ZBTB38: variants seen among roughly 807,000 people sequenced by gnomAD.
ZBTB38 encodes zinc finger and BTB domain-containing protein 38.
A neutral mutation model predicts 76.8 loss-of-function variants in ZBTB38; 20 were observed. The ratio of observed to expected loss-of-function variants is 0.26; its 90% CI spans 0.18 to 0.38. The LOEUF is 0.38. ZBTB38 is among the 10% of genes least tolerant of loss of function. The pLI is 1.00. For missense variants in ZBTB38, 1,082 were observed against 1,482.3 expected, an observed-to-expected ratio of 0.73 and a Z score of 4.43; for synonymous variants, 504 against 544.2, an observed-to-expected ratio of 0.93 and a Z score of 1.03.
Position 141,446,048 on chromosome 3 carries a change from A to G in ZBTB38, c.*72A>G, listed in dbSNP as rs1187225057. 3 of 1,352,288 alleles carry G rather than the reference A, an allele frequency of 2.2e-6. No individual in the cohort carries two copies. Among genetic ancestry groups the G allele is most frequent in the African/African-American group, 1.5e-5 (1 of 68,768 alleles). The allele number at this position is 1,352,288 out of a possible 1,614,324, so 83.8% of individuals were successfully genotyped here. ...TTAGTTATGATTTAAGTTTAGTTTC[A>G]TTTTGTCCATGTGACAGTCATGAAG... On this transcript the variant is annotated 3_prime_UTR_variant, in exon 6 of 6. Coordinates refer to ENST00000321464, the MANE Select transcript of ZBTB38 (RefSeq NM_001376113.1).
Position 141,442,310 on chromosome 3 carries a change from C to A in ZBTB38, c.1-79C>A. The A allele has an allele frequency of 9.1e-7, 1 of 1,099,796 alleles. No individual in the cohort carries two copies. The highest frequency in any genetic ancestry group is 1.3e-6 in the Non-Finnish European group (1 of 759,908). The allele number at this position is 1,099,796 out of a possible 1,614,324, so 68.1% of individuals were successfully genotyped here. A position where few individuals can be genotyped will look rare whatever the true frequency, so the allele number is the denominator to read the frequency against. ...AGTTTCATACAAAAGAACAGTTTTT[C>A]ACAGAAGTGGAAAATAGTCTAGAGA... On this transcript the variant is annotated intron_variant, in intron 5 of 5. Transcript: ENST00000321464. This position sits in a 1 kb window ranked among gnomAD's most constrained non-coding sequence, Gnocchi z 6.4.
chr3:141,448,030 T>C lies in ZBTB38; in HGVS notation c.*2054T>C, dbSNP rs2151031956. The C allele has an allele frequency of 6.5e-6, 1 of 152,796 alleles. No homozygotes were observed. Among genetic ancestry groups the C allele is most frequent in the South Asian group, 2.1e-4 (1 of 4,826 alleles). 9.5% of individuals were successfully genotyped at this position (152,796 alleles called of 1,614,324 possible). ...CACAAAGGGCTTACGAAAATCATTT[T>C]TGAATTGATAATTAGAATATTGAAT... On this transcript the variant is annotated 3_prime_UTR_variant, in exon 6 of 6. Coordinates refer to ENST00000321464, the MANE Select transcript of ZBTB38 (RefSeq NM_001376113.1).
At chr3:141,437,281 C>T (rs546158377) in intron 5 of ZBTB38, among the ~76,000 whole-genome samples, 3 of 152,292 alleles carry the variant, frequency 2.0e-5, no homozygotes, top group Admixed American at 6.5e-5. Flanking sequence ...CCCTTTTCTC[C>T]TCTTGTCCAT....
rs573532434 is a variant in ZBTB38 at position 141,413,863 on chromosome 3, G to A, written c.-1+9832G>A. ...TGCCACTCTGTCTCTGAAGATTTACGTAGAGAAATTTTCCCCATAGGAATG... is the reference window on the plus strand; with the variant it reads ...TGCCACTCTGTCTCTGAAGATTTACATAGAGAAATTTTCCCCATAGGAATG... On this transcript the variant is annotated intron_variant, in intron 5 of 5. Coordinates refer to ENST00000321464, the MANE Select transcript of ZBTB38 (RefSeq NM_001376113.1). The surrounding 1 kb of genome is among the most constrained non-coding windows in gnomAD (Gnocchi z 4.1). Among the ~76,000 whole-genome samples the A allele has an allele frequency of 2.0e-5, 3 of 152,314 alleles. No individual in the cohort carries two copies. Among genetic ancestry groups the A allele is most frequent in the East Asian group, 1.9e-4 (1 of 5,192 alleles).
At chr3:141,347,791 C>T (rs1468203841) in intron 1 of ZBTB38, among the ~76,000 whole-genome samples, 1 of 152,196 alleles carries the variant, frequency 6.6e-6, no homozygotes, top group Non-Finnish European at 1.5e-5. Context: ...GACCCTAGTC[C>T]CTGGACATTG....
intron 5 of ZBTB38, among the ~76,000 whole-genome samples, chr3:141,406,787 G>T (rs1158952192): frequency 2.0e-5 from 3 of 152,184 alleles, no homozygotes; most frequent in Admixed American, 2.0e-4. Flanking sequence ...GCCAGCGGAA[G>T]GGGGTTCCTA....
chr3:141,442,095 C>T lies in ZBTB38; in HGVS notation c.1-294C>T, dbSNP rs1477178693. 4.0e-5 allele frequency among the ~76,000 whole-genome samples: 6 copies of T among 151,230 alleles called. No homozygotes were observed. The highest frequency in any genetic ancestry group is 2.6e-4 in the Admixed American group (4 of 15,186). On this transcript the variant is annotated intron_variant, in intron 5 of 5. Coordinates refer to ENST00000321464, the MANE Select transcript of ZBTB38 (RefSeq NM_001376113.1). The surrounding 1 kb of genome is among the most constrained non-coding windows in gnomAD (Gnocchi z 6.4). ...TTCAGAAAAAAAAAAAAAACCTCCT[C>T]CCCTCCCAAATTTGGACATGTATAT... is the stretch of plus-strand genomic sequence containing the variant.
chr3:141,377,392 C>T (rs983044025), intron 2 of ZBTB38, among the ~76,000 whole-genome samples: 1 of 152,178 alleles, frequency 6.6e-6, no homozygotes, highest in Non-Finnish European at 1.5e-5. Context: ...TTGACTGTGG[C>T]CCATCAAAAG....
At chr3:141,431,323 CAAAA>C (rs71976494) in intron 5 of ZBTB38, among the ~76,000 whole-genome samples, 2 of 101,408 alleles carry the variant, frequency 2.0e-5, no homozygotes, top group African/African-American at 9.7e-5. Context: ...GACTTCGTCT[CAAAA>C]AAAAAAAAAA....
chr3:141,434,264 G>A, intron 5 of ZBTB38: 1 of 925,090 alleles, frequency 1.1e-6, no homozygotes, highest in Non-Finnish European at 1.3e-6. Context: ...CTAGGGACTG[G>A]GAGAGAAGGA....
intron 1 of ZBTB38, among the ~76,000 whole-genome samples, chr3:141,360,239 T>C (rs1943780181): frequency 6.6e-6 from 1 of 152,142 alleles, no homozygotes; most frequent in Non-Finnish European, 1.5e-5. Context: ...CCATCTTAGC[T>C]CTGGGACCCC....
intron 4 of ZBTB38, among the ~76,000 whole-genome samples, chr3:141,399,579 G>A (rs1951234325): frequency 6.6e-6 from 1 of 152,034 alleles, no homozygotes; most frequent in Admixed American, 6.6e-5. Flanking sequence ...TATAGAATTT[G>A]GTGAGAACCC....
Position 141,431,341 on chromosome 3 carries a change from A to AAAAAAAAAATATATATATAT in ZBTB38, c.1-11047_1-11046insAAAAAAAATATATATATATA. Among the ~76,000 whole-genome samples the AAAAAAAAAATATATATATAT allele has an allele frequency of 5.4e-3, 557 of 102,778 alleles. 3 individuals carry two copies. Among genetic ancestry groups the AAAAAAAAAATATATATATAT allele is most frequent in the Non-Finnish European group, 6.9e-3 (400 of 57,812 alleles). The allele number at this position is 102,778 out of a possible 152,430, so 67.4% of individuals were successfully genotyped here. A position where few individuals can be genotyped will look rare whatever the true frequency, so the allele number is the denominator to read the frequency against. On this transcript the variant is annotated intron_variant, in intron 5 of 5. Transcript: ENST00000321464. ...TTCGTCTCAAAAAAAAAAAAAAAAAAATATATATATATATTTGGGGGGGAC... is the reference window on the plus strand; with the variant it reads ...TTCGTCTCAAAAAAAAAAAAAAAAAAAAAAAAAAATATATATATATATATATATATATATTTGGGGGGGAC...
At chr3:141,351,390 G>A (rs575331612) in intron 1 of ZBTB38, among the ~76,000 whole-genome samples, 197 of 152,156 alleles carry the variant, frequency 1.3e-3, no homozygotes, top group South Asian at 4.1e-4. Context: ...AAATTGTCTT[G>A]CAAAGATAAA....
Position 141,447,385 on chromosome 3 carries a change from A to G in ZBTB38, c.*1409A>G, listed in dbSNP as rs2081177743. 1 of 152,562 alleles carries G rather than the reference A, an allele frequency of 6.6e-6. No homozygotes were observed. Among genetic ancestry groups the G allele is most frequent in the South Asian group, 2.1e-4 (1 of 4,820 alleles). The allele number at this position is 152,562 out of a possible 1,614,324, so 9.5% of individuals were successfully genotyped here. Reference sequence around the variant, plus strand: ...GCAGACATCTAGACCCCTTGCTAAAAACCCACTGAAGTTTTTTTTTTATGT... The same window carrying G: ...GCAGACATCTAGACCCCTTGCTAAAGACCCACTGAAGTTTTTTTTTTATGT... On this transcript the variant is annotated 3_prime_UTR_variant, in exon 6 of 6. Coordinates refer to ENST00000321464, the MANE Select transcript of ZBTB38 (RefSeq NM_001376113.1).
chr3:141,330,706 T>G (rs1260042926), intron 1 of ZBTB38, among the ~76,000 whole-genome samples: 1 of 152,170 alleles, frequency 6.6e-6, no homozygotes, highest in East Asian at 1.9e-4. Context: ...GGTGAGGCCT[T>G]TAAGAGTTGA....
chr3:141,446,050 T>C lies in ZBTB38; in HGVS notation c.*74T>C. 7.4e-7 allele frequency: 1 copy of C among 1,354,104 alleles called. No individual in the cohort carries two copies. Among genetic ancestry groups the C allele is most frequent in the Non-Finnish European group, 9.9e-7 (1 of 1,008,038 alleles). The allele number at this position is 1,354,104 out of a possible 1,614,324, so 83.9% of individuals were successfully genotyped here. A position where few individuals can be genotyped will look rare whatever the true frequency, so the allele number is the denominator to read the frequency against. On this transcript the variant is annotated 3_prime_UTR_variant, in exon 6 of 6. Transcript: ENST00000321464. Reference sequence around the variant, plus strand: ...AGTTATGATTTAAGTTTAGTTTCATTTTGTCCATGTGACAGTCATGAAGGA... The same window carrying C: ...AGTTATGATTTAAGTTTAGTTTCATCTTGTCCATGTGACAGTCATGAAGGA...
rs747290360 is a variant in ZBTB38, at chr3:141,340,949, G to GGAAGGAAAGAAA, written c.-739+16496_-739+16497insGGAAAGAAAGAA. 4.6e-3 allele frequency among the ~76,000 whole-genome samples: 513 copies of GGAAGGAAAGAAA among 111,962 alleles called. 9 individuals are homozygous for GGAAGGAAAGAAA. Among genetic ancestry groups the GGAAGGAAAGAAA allele is most frequent in the African/African-American group, 0.02 (482 of 24,204 alleles). 73.5% of individuals were successfully genotyped at this position (111,962 alleles called of 152,430 possible). On this transcript the variant is annotated intron_variant, in intron 1 of 7. Transcript: ENST00000509842. Reference sequence around the variant, plus strand: ...GGAAAAAAGAAAAGAAAAGAAAGAAGGAAAGAAAGAAAGAAAGAAAGAAAG... The same window carrying GGAAGGAAAGAAA: ...GGAAAAAAGAAAAGAAAAGAAAGAAGGAAGGAAAGAAAGAAAGAAAGAAAGAAAGAAAGAAAG...
intron 1 of ZBTB38, among the ~76,000 whole-genome samples, chr3:141,351,719 C>CT (rs1447640894): frequency 9.3e-4 from 90 of 97,050 alleles, no homozygotes; most frequent in African/African-American, 4.8e-3. Flanking sequence ...GACTCTGTCT[C>CT]TTAAAAAAAA....
Sources: allele counts gnomAD v4.1 joint callset (sites outside exome capture counted in the v4.1 genomes callset), GRCh38; gene constraint gnomAD v4.1.1; non-coding constraint Gnocchi (gnomAD v3.1); transcripts MANE v1.5; gene names NCBI Gene and HGNC (gene_info 2026-07-23, HGNC 2026-07-21).